The following TECRL variants were observed in gnomAD, a reference collection of about 807,000 sequenced individuals.
TECRL encodes trans-2,3-enoyl-CoA reductase-like.
A neutral mutation model predicts 52.8 loss-of-function variants in TECRL; 63 were observed. The ratio of observed to expected loss-of-function variants is 1.19; its 90% CI spans 0.97 to 1.47. The LOEUF is 1.47. TECRL is among the 40% of genes most tolerant of loss of function. TECRL has a pLI of 0.00. For synonymous variants in TECRL, 164 were observed against 141.9 expected, an observed-to-expected ratio of 1.16 and a Z score of -1.10; for missense variants, 482 against 429.6, an observed-to-expected ratio of 1.12 and a Z score of -1.08.
At chr4:64,315,358 A>C (rs1206717536) in intron 4 of TECRL, among the ~76,000 whole-genome samples, 1 of 152,130 alleles carries the variant, frequency 6.6e-6, no homozygotes, top group Non-Finnish European at 1.5e-5. Flanking sequence ...TTTGAACTAT[A>C]GAGAGACACT....
chr4:64,340,947 C>T (rs1025896345), intron 2 of TECRL, among the ~76,000 whole-genome samples: 2 of 152,194 alleles, frequency 1.3e-5, no homozygotes, highest in African/African-American at 2.4e-5. Context: ...CAACCCACTC[C>T]AGGGCCTCCT....
chr4:64,382,187 T>G (rs1722841517), intron 1 of TECRL, among the ~76,000 whole-genome samples: 1 of 126,200 alleles, frequency 7.9e-6, no homozygotes, highest in African/African-American at 3.3e-5. Context: ...CAGAGGAAAT[T>G]TCTGTATATA....
intron 8 of TECRL, among the ~76,000 whole-genome samples, chr4:64,298,147 T>A (rs1167919771): frequency 6.6e-6 from 1 of 151,196 alleles, no homozygotes; most frequent in East Asian, 1.9e-4. Context: ...CTAAAGATTA[T>A]ATAAATTTAA....
At position 64,328,503 on chromosome 4, in the gene TECRL, G is replaced by T; in HGVS notation, c.331+9C>A. 3 of 1,609,406 alleles carry T rather than the reference G, an allele frequency of 1.9e-6. No individual in the cohort carries two copies. The highest frequency in any genetic ancestry group is 2.5e-6 in the Non-Finnish European group (3 of 1,176,808). Reference sequence around the variant, plus strand: ...TTAAATAAACACATCAGTGAAAAATGCTTCTTACCACATTCTAGCTGCAGA... The same window carrying T: ...TTAAATAAACACATCAGTGAAAAATTCTTCTTACCACATTCTAGCTGCAGA... On this transcript the variant is annotated intron_variant, in intron 3 of 11. Transcript: ENST00000381210.
In TECRL at chr4:64,290,929, C is replaced by T. The variant is rs1723346789; in HGVS notation, c.775-1162G>A. Among the ~76,000 whole-genome samples, 3 of 152,010 alleles carry T rather than the reference C, an allele frequency of 2.0e-5. 1 individual carries two copies. Among genetic ancestry groups the T allele is most frequent in the South Asian group, 4.1e-4 (2 of 4,824 alleles). Reference sequence around the variant, plus strand: ...CAAATTTTGTACCAACATAACTACACAAAATAATTATCGAAAAGGCTTTTG... The same window carrying T: ...CAAATTTTGTACCAACATAACTACATAAAATAATTATCGAAAAGGCTTTTG... On this transcript the variant is annotated intron_variant, in intron 8 of 11. Coordinates refer to ENST00000381210, the MANE Select transcript of TECRL (RefSeq NM_001010874.5).
chr4:64,306,724 A>G (rs1026446658), intron 6 of TECRL, among the ~76,000 whole-genome samples: 4 of 152,156 alleles, frequency 2.6e-5, no homozygotes, highest in Non-Finnish European at 5.9e-5. Flanking sequence ...CTGGGTGACT[A>G]TTCTCCTCTC....
chr4:64,283,247 A>G (rs1222795808), intron 9 of TECRL, among the ~76,000 whole-genome samples: 1 of 152,066 alleles, frequency 6.6e-6, no homozygotes, highest in African/African-American at 2.4e-5. Context: ...TATTTCTTCT[A>G]TCCAGAAAAC....
intron 8 of TECRL, among the ~76,000 whole-genome samples, chr4:64,295,117 G>A (rs1723605967): frequency 6.6e-6 from 1 of 151,178 alleles, no homozygotes; most frequent in African/African-American, 2.4e-5. Flanking sequence ...CTTTTATACA[G>A]ACATAAAGAT....
chr4:64,277,538 G>A (rs10013054), downstream of TECRL, among the ~76,000 whole-genome samples: 116,715 of 151,582 alleles, frequency 0.77, 45,038 homozygotes, highest in Non-Finnish European at 0.81. Flanking sequence ...GGCTTTTAAA[G>A]GGGCTTTTTG....
intron 1 of TECRL, among the ~76,000 whole-genome samples, chr4:64,385,601 T>C (rs1723121843): frequency 1.3e-5 from 2 of 152,210 alleles, no homozygotes; most frequent in South Asian, 2.1e-4. Context: ...TATGAGGGGA[T>C]GTCAGTGGGG....
chr4:64,327,031 C>T (rs957135103), intron 3 of TECRL, among the ~76,000 whole-genome samples: 6 of 151,926 alleles, frequency 3.9e-5, no homozygotes, highest in Admixed American at 6.6e-5. Flanking sequence ...AACATATAAA[C>T]ACTAACACTT....
chr4:64,297,267 C>T (rs1397569584), intron 8 of TECRL, among the ~76,000 whole-genome samples: 2 of 151,298 alleles, frequency 1.3e-5, no homozygotes, highest in Non-Finnish European at 3.0e-5. Context: ...CGAGAATTAA[C>T]TACAACTCTA....
At chr4:64,367,647 A>T (rs138782128) in intron 2 of TECRL, among the ~76,000 whole-genome samples, 1,905 of 95,112 alleles carry the variant, frequency 0.02, 47 homozygotes, top group African/African-American at 0.058. Context: ...CGAATAAGAA[A>T]TTTTTTGTTA....
At chr4:64,285,543 G>A (rs1723037384) in intron 9 of TECRL, among the ~76,000 whole-genome samples, 2 of 152,104 alleles carry the variant, frequency 1.3e-5, no homozygotes, top group Admixed American at 1.3e-4. Context: ...TAATATGTTA[G>A]TGAGGGAATA....
chr4:64,379,532 A>T (rs1392360754), intron 1 of TECRL, among the ~76,000 whole-genome samples: 1 of 152,126 alleles, frequency 6.6e-6, no homozygotes, highest in African/African-American at 2.4e-5. Flanking sequence ...ATATATGTTA[A>T]TTGTTAATTA....
In TECRL at chr4:64,322,796, A is replaced by G; in HGVS notation, c.332-4T>C. ...TAGTCCTTCAAAAAAGGCCCGCCTA[A>G]AATAAAAATAACAAGAAAATTTTAT... On this transcript the variant is annotated splice_polypyrimidine_tract_variant and splice_region_variant and intron_variant, in intron 3 of 11. Coordinates refer to ENST00000381210, the MANE Select transcript of TECRL (RefSeq NM_001010874.5). 6.3e-7 allele frequency: 1 copy of G among 1,585,448 alleles called. No homozygotes were observed. Among genetic ancestry groups the G allele is most frequent in the Non-Finnish European group, 8.6e-7 (1 of 1,168,308 alleles).
chr4:64,314,584 G>T, intron 5 of TECRL, 64 bp downstream of exon 5: 1 of 1,145,090 alleles, frequency 8.7e-7, no homozygotes, highest in South Asian at 1.3e-5. Context: ...CCTCCTTAAC[G>T]TGTATGGTGT....
At chr4:64,335,748 C>A (rs971750890) in intron 2 of TECRL, among the ~76,000 whole-genome samples, 1 of 152,148 alleles carries the variant, frequency 6.6e-6, no homozygotes, top group Non-Finnish European at 1.5e-5. Context: ...AATAAATTTA[C>A]ATGATTGTAT....
At chr4:64,375,635 G>C (rs927069396) in intron 1 of TECRL, among the ~76,000 whole-genome samples, 15 of 151,750 alleles carry the variant, frequency 9.9e-5, no homozygotes, top group Non-Finnish European at 1.9e-4. Flanking sequence ...GGACAAATGA[G>C]AGAAATGTTT....
Sources: allele counts gnomAD v4.1 joint callset (sites outside exome capture counted in the v4.1 genomes callset), GRCh38; gene constraint gnomAD v4.1.1; transcripts MANE v1.5; gene names NCBI Gene and HGNC (gene_info 2026-07-23, HGNC 2026-07-21).